MANBA: variants seen among roughly 807,000 people sequenced by gnomAD.
MANBA encodes the protein mannosidase beta.
A neutral mutation model predicts 111.1 loss-of-function variants in MANBA; 83 were observed. The observed-to-expected ratio is 0.75, with a 90% CI of 0.63 to 0.90. The LOEUF is 0.90. Among genes scored for constraint, MANBA ranks in the 40% least tolerant of loss-of-function variants. The probability of loss-of-function intolerance (pLI) is 0.00; values close to 1 mark genes in which losing one functional copy is unlikely to be tolerated. For missense variants in MANBA, 1,036 were observed against 1,069.0 expected, an observed-to-expected ratio of 0.97 and a Z score of 0.43; for synonymous variants, 370 against 378.7, an observed-to-expected ratio of 0.98 and a Z score of 0.27.
At position 102,632,344 on chromosome 4, in the gene MANBA, A is replaced by G. The variant is rs1729424668; in HGVS notation, c.2416-63T>C. The G allele has an allele frequency of 4.7e-6, 6 of 1,290,076 alleles. No individual in the cohort carries two copies. The South Asian group carries it at 7.2e-5, about 16-fold the overall frequency. The allele number at this position is 1,290,076 out of a possible 1,614,324, so 79.9% of individuals were successfully genotyped here. The stretch of plus-strand genomic sequence containing the variant: ...GAGGGAAGAGTTATATAGTCTGTAT[A>G]CAGTTCCTGTAAACATTTATGTGGG... On this transcript the variant is annotated intron_variant, in intron 16 of 16. Transcript: ENST00000647097.
intron 7 of MANBA, chr4:102,682,669 A>C (rs1401683133): frequency 1.3e-5 from 2 of 152,200 alleles, no homozygotes; most frequent in African/African-American, 4.8e-5. Flanking sequence ...CCCTAACCCA[A>C]TGGCTGGTGT....
chr4:102,724,542 CAAAA>C lies in MANBA; in HGVS notation c.273-579_273-576del, dbSNP rs11454438. Reference sequence around the variant, plus strand: ...CCACTGCACTTGCAAGATTCCGTCTCAAAAAAAAAAAAAAAAATGAGAACCAAGT... The same window carrying C: ...CCACTGCACTTGCAAGATTCCGTCTCAAAAAAAAAAAAATGAGAACCAAGT... On this transcript the variant is annotated intron_variant, in intron 2 of 16. Transcript: ENST00000647097. 4.9e-5 allele frequency among the ~76,000 whole-genome samples: 6 copies of C among 122,228 alleles called. No individual in the cohort carries two copies. In the East Asian group the frequency reaches 9.4e-4, roughly 19 times the overall value. 80.2% of individuals were successfully genotyped at this position (122,228 alleles called of 152,430 possible). A position where few individuals can be genotyped will look rare whatever the true frequency, so the allele number is the denominator to read the frequency against.
chr4:102,732,138 T>G (rs1288510753), intron 1 of MANBA, among the ~76,000 whole-genome samples: 2 of 152,196 alleles, frequency 1.3e-5, no homozygotes, highest in Non-Finnish European at 2.9e-5. Flanking sequence ...CTCGAACTCC[T>G]GACCTCAGGT....
intron 14 of MANBA, among the ~76,000 whole-genome samples, chr4:102,639,457 A>C (rs1163974012): frequency 6.6e-6 from 1 of 152,152 alleles, no homozygotes; most frequent in African/African-American, 2.4e-5. Flanking sequence ...TTTGTATAGG[A>C]ATCTATCCCA....
chr4:102,672,762 G>A (rs1006697099), intron 8 of MANBA, among the ~76,000 whole-genome samples: 3 of 152,144 alleles, frequency 2.0e-5, no homozygotes, highest in South Asian at 2.1e-4. Flanking sequence ...CTGTGCATGC[G>A]AAGGATACAG....
chr4:102,703,043 A>G (rs934577242), intron 5 of MANBA, among the ~76,000 whole-genome samples: 1 of 152,236 alleles, frequency 6.6e-6, no homozygotes, highest in African/African-American at 2.4e-5. Context: ...GAAATTTAGA[A>G]AAGACAGTTA....
intron 5 of MANBA, among the ~76,000 whole-genome samples, chr4:102,712,622 G>A (rs926474176): frequency 6.6e-6 from 1 of 151,706 alleles, no homozygotes; most frequent in Non-Finnish European, 1.5e-5. Context: ...GAGCTCAAGC[G>A]ATCCTGCCAC....
Position 102,671,371 on chromosome 4 carries a change from C to T in MANBA, c.1140G>A (p.Val380=), listed in dbSNP as rs913928171. Residue 380 remains valine, a synonymous_variant, in exon 9 of 17, where the codon GTG becomes GTA. Transcript: ENST00000647097. ...ELLRLLLQSV[V]DANMNTLRVW... ...CCCGAAGAGTATTCATATTAGCATC[C>T]ACAACAGACTGTAAAAGGAGCCGTA... is the stretch of plus-strand genomic sequence containing the variant. The T allele has an allele frequency of 6.2e-7, 1 of 1,606,638 alleles. No individual in the cohort carries two copies. The highest frequency in any genetic ancestry group is 1.1e-5 in the South Asian group (1 of 90,902).
At chr4:102,737,891 G>C (rs1723277505) in intron 1 of MANBA, among the ~76,000 whole-genome samples, 2 of 152,086 alleles carry the variant, frequency 1.3e-5, no homozygotes, top group South Asian at 4.1e-4. Flanking sequence ...CCCCATAGTG[G>C]CCATGGCAGG....
At chr4:102,654,091 TC>T (rs1291086576) in intron 12 of MANBA, among the ~76,000 whole-genome samples, 2 of 152,124 alleles carry the variant, frequency 1.3e-5, no homozygotes, top group Admixed American at 6.5e-5. Context: ...TACTTTGATT[TC>T]CCCCTGGGTC....
chr4:102,643,901 T>C (rs1304433595), intron 13 of MANBA, among the ~76,000 whole-genome samples: 1 of 152,216 alleles, frequency 6.6e-6, no homozygotes, highest in African/African-American at 2.4e-5. Flanking sequence ...TTTTCTGTTT[T>C]TGATGACATA....
Position 102,689,697 on chromosome 4 carries a change from T to A in MANBA, c.850-13A>T, listed in dbSNP as rs770423854. 1 of 1,462,338 alleles carries A rather than the reference T, an allele frequency of 6.8e-7. No individual in the cohort carries two copies. The highest frequency in any genetic ancestry group is 9.6e-7 in the Non-Finnish European group (1 of 1,042,444). 90.6% of individuals were successfully genotyped at this position (1,462,338 alleles called of 1,614,324 possible). On this transcript the variant is annotated splice_polypyrimidine_tract_variant and intron_variant, in intron 6 of 16. Coordinates refer to ENST00000647097, the MANE Select transcript of MANBA (RefSeq NM_005908.4). ...CTACAGTAATATTCTTTTAAGAAAA[T>A]TTAAAAGTCACTCTAATATGTCATA...
intron 13 of MANBA, among the ~76,000 whole-genome samples, chr4:102,642,642 AGCTT>A (rs1729932754): frequency 6.6e-6 from 1 of 152,206 alleles, no homozygotes; most frequent in Non-Finnish European, 1.5e-5. Context: ...TATTCTCAGC[AGCTT>A]GCTTGATTAC....
intron 12 of MANBA, among the ~76,000 whole-genome samples, chr4:102,652,662 G>A (rs1365483652): frequency 1.3e-5 from 2 of 152,164 alleles, no homozygotes; most frequent in African/African-American, 4.8e-5. Flanking sequence ...AGGCTGAGGT[G>A]GGAGGATTGC....
At chr4:102,676,227 A>G (rs1299975721) in intron 7 of MANBA, among the ~76,000 whole-genome samples, 1 of 152,188 alleles carries the variant, frequency 6.6e-6, no homozygotes, top group Non-Finnish European at 1.5e-5. Context: ...AATAATATTT[A>G]TGGTGCCAGT....
intron 1 of MANBA, among the ~76,000 whole-genome samples, chr4:102,737,714 C>A (rs1423893057): frequency 6.6e-6 from 1 of 152,130 alleles, no homozygotes; most frequent in Non-Finnish European, 1.5e-5. Flanking sequence ...GATCTCCTGA[C>A]CTCGTGATCC....
chr4:102,736,558 T>C (rs1242408334), intron 1 of MANBA, among the ~76,000 whole-genome samples: 1 of 152,138 alleles, frequency 6.6e-6, no homozygotes, highest in Non-Finnish European at 1.5e-5. Context: ...ATGGAGAAAG[T>C]TTTTTCAACT....
intron 1 of MANBA, among the ~76,000 whole-genome samples, chr4:102,738,077 C>T (rs147731177): frequency 1.3e-5 from 2 of 152,182 alleles, no homozygotes; most frequent in African/African-American, 4.8e-5. Context: ...AATATTATAT[C>T]CCCCCTTCTG....
intron 14 of MANBA, among the ~76,000 whole-genome samples, chr4:102,639,354 G>A (rs1033106358): frequency 1.3e-5 from 2 of 152,194 alleles, no homozygotes; most frequent in Non-Finnish European, 2.9e-5. Context: ...CACAGAAGAA[G>A]GGATGCTTAA....
Sources: allele counts gnomAD v4.1 joint callset (sites outside exome capture counted in the v4.1 genomes callset), GRCh38; gene constraint gnomAD v4.1.1; transcripts MANE v1.5; gene names NCBI Gene and HGNC (gene_info 2026-07-23, HGNC 2026-07-21).